The following ZNF821 variants were observed in gnomAD, a reference collection of about 807,000 sequenced individuals.
ZNF821 encodes the protein zinc finger protein 821.
Under a neutral mutation model 44.3 loss-of-function variants are expected in ZNF821, and 16 were observed. The ratio of observed to expected loss-of-function variants is 0.36; its 90% CI spans 0.24 to 0.55. The LOEUF (loss-of-function observed/expected upper bound fraction) is 0.55, where lower values mean the gene tolerates loss of function less well. Ranked by LOEUF, ZNF821 falls within the 20% of genes least tolerant of loss-of-function variation. The pLI is 0.86. For missense variants in ZNF821, 436 were observed against 547.6 expected (o/e 0.80, Z 2.03); for synonymous variants, 204 against 197.6 (o/e 1.03, Z -0.27).
chr16:71,885,060 T>A (rs531036780), upstream of ZNF821, among the ~76,000 whole-genome samples: 1 of 152,264 alleles, frequency 6.6e-6, no homozygotes, highest in East Asian at 1.9e-4. Context: ...TTCACCATGT[T>A]GGCCAGGCTG....
intron 2 of ZNF821, chr16:71,881,819 A>G (rs898358266): frequency 6.6e-6 from 1 of 152,116 alleles, no homozygotes; most frequent in African/African-American, 2.4e-5. Flanking sequence ...AAAATACAAA[A>G]ATTAGCTGGG....
chr16:71,892,178 C>CAAAAAAAAAAAAAAAAAA (rs560376648), intron 1 of ZNF821, among the ~76,000 whole-genome samples: 2 of 31,938 alleles, frequency 6.3e-5, no homozygotes, highest in African/African-American at 8.7e-5. Flanking sequence ...AACTCCGTCT[C>CAAAAAAAAAAAAAAAAAA]AAAAAAAAAA....
chr16:71,878,662 G>A (rs2142457037), intron 3 of ZNF821, among the ~76,000 whole-genome samples: 1 of 152,120 alleles, frequency 6.6e-6, no homozygotes, highest in East Asian at 2.0e-4. Flanking sequence ...AGGTGCGGTG[G>A]CTCATGCCTG....
At chr16:71,893,644 A>G (rs2036907652) in intron 1 of ZNF821, among the ~76,000 whole-genome samples, 1 of 150,146 alleles carries the variant, frequency 6.7e-6, no homozygotes, top group African/African-American at 2.5e-5. Flanking sequence ...TATTTTTAGT[A>G]GAGACGGTTT....
Position 71,864,906 on chromosome 16 carries a change from G to A in ZNF821, c.309C>T (p.His103=), listed in dbSNP as rs759770489. ...CCCAGGGGCCATCGTCACTTGCCTC[G>A]TGCTCTACCACTTCGTTCCCACCAA... ...QPVGGNEVVE[H]EVTGNLNSDP... is the part of the protein sequence containing the mutation. The change falls in exon 5 of 8, where the codon CAC becomes CAT. Residue 103 remains histidine (H), a synonymous_variant. Coordinates refer to ENST00000425432, the MANE Select transcript of ZNF821 (RefSeq NM_001201552.2). 9.9e-6 allele frequency: 16 copies of A among 1,613,956 alleles called. No individual in the cohort carries two copies. Among genetic ancestry groups the A allele is most frequent in the East Asian group, 2.2e-5 (1 of 44,884 alleles).
At position 71,859,966 on chromosome 16, in the gene ZNF821, T is replaced by C; in HGVS notation, c.*52A>G. On this transcript the variant is annotated 3_prime_UTR_variant, in exon 8 of 8. Coordinates refer to ENST00000425432, the MANE Select transcript of ZNF821 (RefSeq NM_001201552.2). ...CAGCACTGGTCCTCGTGGCTGTGGG[T>C]GTGGGTGGGTGGGTAGGTAGGTGGG... The C allele has an allele frequency of 1.4e-6, 2 of 1,448,432 alleles. No individual in the cohort carries two copies. The highest frequency in any genetic ancestry group is 1.8e-6 in the Non-Finnish European group (2 of 1,104,764). The allele number at this position is 1,448,432 out of a possible 1,614,324, so 89.7% of individuals were successfully genotyped here. A position where few individuals can be genotyped will look rare whatever the true frequency, so the allele number is the denominator to read the frequency against.
At chr16:71,888,832 T>G (rs2036871493), upstream of ZNF821, among the ~76,000 whole-genome samples, 1 of 152,198 alleles carries the variant, frequency 6.6e-6, no homozygotes, top group African/African-American at 2.4e-5. Context: ...TTTTTTGATC[T>G]TATATATGAA....
Position 71,883,985 on chromosome 16 carries a change from C to T in ZNF821, c.-218G>A, listed in dbSNP as rs1189044987. 6.6e-6 allele frequency: 1 copy of T among 152,062 alleles called. No homozygotes were observed. The highest frequency in any genetic ancestry group is 2.4e-5 in the African/African-American group (1 of 41,396). The allele number at this position is 152,062 out of a possible 1,614,324, so 9.4% of individuals were successfully genotyped here. A position where few individuals can be genotyped will look rare whatever the true frequency, so the allele number is the denominator to read the frequency against. ...CAGACGGACCGCCGGACAATGGACC[C>T]GGGACCGCAGCCCAAGCCAGCCGGG... On this transcript the variant is annotated 5_prime_UTR_variant, in exon 1 of 8. Transcript: ENST00000425432.
At chr16:71,873,367 G>A (rs1262707867) in intron 3 of ZNF821, among the ~76,000 whole-genome samples, 1 of 151,772 alleles carries the variant, frequency 6.6e-6, no homozygotes, top group Non-Finnish European at 1.5e-5. Flanking sequence ...GGGGAAGGAG[G>A]TAGGGAGAAG....
chr16:71,887,325 T>C (rs1245931537), upstream of ZNF821, among the ~76,000 whole-genome samples: 1 of 147,972 alleles, frequency 6.8e-6, no homozygotes, highest in Non-Finnish European at 1.5e-5. Context: ...AGTGGCGCGA[T>C]CTCGGCTCAT....
upstream of ZNF821, among the ~76,000 whole-genome samples, chr16:71,888,140 G>A (rs4788574): frequency 0.34 from 51,446 of 151,920 alleles, 9,379 homozygotes; most frequent in East Asian, 0.66. Flanking sequence ...GCCTCCCAAA[G>A]TGCTGGGATT....
At chr16:71,878,358 T>C (rs62056527) in intron 3 of ZNF821, among the ~76,000 whole-genome samples, 4,899 of 151,974 alleles carry the variant, frequency 0.032, 119 homozygotes, top group Non-Finnish European at 0.051. Flanking sequence ...CCAGGTGATA[T>C]GGCCCACCTC....
At chr16:71,878,658 G>A (rs375460807) in intron 3 of ZNF821, among the ~76,000 whole-genome samples, 10 of 152,014 alleles carry the variant, frequency 6.6e-5, no homozygotes, top group African/African-American at 9.6e-5. Context: ...CAACAGGTGC[G>A]GTGGCTCATG....
intron 3 of ZNF821, among the ~76,000 whole-genome samples, chr16:71,872,319 A>G (rs1211497760): frequency 6.6e-6 from 1 of 151,888 alleles, no homozygotes; most frequent in Non-Finnish European, 1.5e-5. Flanking sequence ...AACATTCTTT[A>G]AGAGAGCAGA....
chr16:71,887,065 C>G (rs2036861478), upstream of ZNF821, among the ~76,000 whole-genome samples: 1 of 152,182 alleles, frequency 6.6e-6, no homozygotes, highest in Admixed American at 6.5e-5. Context: ...GGATATGCCA[C>G]ATTTTATTTA....
exon 1 of ZNF821, chr16:71,895,164 G>T (rs1437313160): frequency 1.2e-5 from 3 of 252,234 alleles, no homozygotes; most frequent in South Asian, 4.7e-5. Context: ...TCAGAGAGGC[G>T]GTACTGGCAG....
chr16:71,862,468 C>G (rs929544509), intron 6 of ZNF821, among the ~76,000 whole-genome samples: 5 of 152,108 alleles, frequency 3.3e-5, no homozygotes, highest in African/African-American at 1.2e-4. Context: ...CAGCGAAATT[C>G]TGTCTCAAAA....
In ZNF821 at chr16:71,893,029, C is replaced by CTTTTTT. The variant is rs1199482590; in HGVS notation, n.448+1854_448+1859dup. Reference sequence around the variant, plus strand: ...TACAGGCATGAGCCACCCTGCCTGGCTTTTTTTTTTTTTTTTTTGAGATAT... The same window carrying CTTTTTT: ...TACAGGCATGAGCCACCCTGCCTGGCTTTTTTTTTTTTTTTTTTTTTTTTGAGATAT... On this transcript the variant is annotated intron_variant and non_coding_transcript_variant, in intron 1 of 2. Transcript: ENST00000561700. Among the ~76,000 whole-genome samples the CTTTTTT allele has an allele frequency of 1.4e-4, 9 of 65,918 alleles. 1 individual carries two copies. Among genetic ancestry groups the CTTTTTT allele is most frequent in the South Asian group, 8.6e-4 (1 of 1,166 alleles). The allele number at this position is 65,918 out of a possible 152,430, so 43.2% of individuals were successfully genotyped here.
At position 71,880,026 on chromosome 16, in the gene ZNF821, G is replaced by T; in HGVS notation, c.-77-3C>A. 7.4e-7 allele frequency: 1 copy of T among 1,356,134 alleles called. No homozygotes were observed. Among genetic ancestry groups the T allele is most frequent in the Non-Finnish European group, 1.0e-6 (1 of 975,810 alleles). 84.0% of individuals were successfully genotyped at this position (1,356,134 alleles called of 1,614,324 possible). A position where few individuals can be genotyped will look rare whatever the true frequency, so the allele number is the denominator to read the frequency against. On this transcript the variant is annotated splice_polypyrimidine_tract_variant and splice_region_variant and intron_variant, in intron 2 of 7. Coordinates refer to ENST00000425432, the MANE Select transcript of ZNF821 (RefSeq NM_001201552.2). ...CTACCTCCTTGCAAGATGCTAACCT[G>T]CAATAAAAAAGGTTATTGTTAGCAC...
Sources: allele counts gnomAD v4.1 joint callset (sites outside exome capture counted in the v4.1 genomes callset), GRCh38; gene constraint gnomAD v4.1.1; transcripts MANE v1.5; gene names NCBI Gene and HGNC (gene_info 2026-07-23, HGNC 2026-07-21).